The following RUFY3 variants were observed in gnomAD, a reference collection of about 807,000 sequenced individuals.
RUFY3 encodes the protein protein RUFY3.
Under a neutral mutation model 84.0 loss-of-function variants are expected in RUFY3, and 34 were observed. That is an observed-to-expected ratio of 0.40 (90% CI 0.31 to 0.54). The LOEUF (loss-of-function observed/expected upper bound fraction) is 0.54, where lower values mean the gene tolerates loss of function less well. Among genes scored for constraint, RUFY3 ranks in the 20% least tolerant of loss-of-function variants. The pLI is 0.39. For synonymous variants in RUFY3, 242 were observed against 252.9 expected (o/e 0.96, Z 0.41); for missense variants, 507 against 736.8 (o/e 0.69, Z 3.61).
intron 1 of RUFY3, among the ~76,000 whole-genome samples, chr4:70,748,870 C>T (rs538720286): frequency 6.6e-6 from 1 of 152,108 alleles, no homozygotes; most frequent in East Asian, 1.9e-4. Flanking sequence ...GCCGTATAGT[C>T]TTGACATAAC....
rs1560513021 is a variant in RUFY3, at chr4:70,763,676, C to G, written c.470+7C>G. 2 of 1,604,884 alleles carry G rather than the reference C, an allele frequency of 1.2e-6. No homozygotes were observed. The highest frequency in any genetic ancestry group is 1.7e-6 in the Non-Finnish European group (2 of 1,177,006). On this transcript the variant is annotated splice_region_variant and intron_variant, in intron 3 of 17. Transcript: ENST00000381006. Reference sequence around the variant, plus strand: ...AAGATCTTCCAGGACTTAAGTAAGTCTAAGGTTGAATTCCATTTCTCAGGA... The same window carrying G: ...AAGATCTTCCAGGACTTAAGTAAGTGTAAGGTTGAATTCCATTTCTCAGGA...
At chr4:70,777,291 A>T (rs954563519) in intron 7 of RUFY3, among the ~76,000 whole-genome samples, 2 of 152,176 alleles carry the variant, frequency 1.3e-5, no homozygotes, top group African/African-American at 4.8e-5. Context: ...CCAGAACATA[A>T]AACAGTTTCC....
intron 12 of RUFY3, chr4:70,791,676 T>C (rs1032686530): frequency 9.8e-7 from 1 of 1,025,404 alleles, no homozygotes; most frequent in Non-Finnish European, 1.2e-6. Context: ...CGGTGCATTG[T>C]TCATGTCTGT....
chr4:70,785,796 A>G (rs1729695444), intron 10 of RUFY3, among the ~76,000 whole-genome samples: 1 of 152,180 alleles, frequency 6.6e-6, no homozygotes, highest in Non-Finnish European at 1.5e-5. Context: ...AGATTGTATC[A>G]CTGCACTCCA....
chr4:70,755,556 A>G (rs1389260442), intron 1 of RUFY3, among the ~76,000 whole-genome samples: 3 of 152,304 alleles, frequency 2.0e-5, no homozygotes, highest in Admixed American at 1.3e-4. Context: ...TATCATCACT[A>G]TTAACTAAAT....
At chr4:70,792,733 T>C in intron 12 of RUFY3, 1 of 985,398 alleles carries the variant, frequency 1.0e-6, no homozygotes, top group East Asian at 1.1e-4. Context: ...GTAAGATAGA[T>C]TCCATGTGTG....
At chr4:70,781,868 C>T (rs1486759468) in intron 8 of RUFY3, among the ~76,000 whole-genome samples, 1 of 152,206 alleles carries the variant, frequency 6.6e-6, no homozygotes, top group Non-Finnish European at 1.5e-5. Context: ...ATACAGGCAC[C>T]TTCACATTCT....
intron 1 of RUFY3, 84 bp from the exon 2 acceptor site, chr4:70,762,435 G>T: frequency 1.6e-6 from 2 of 1,254,834 alleles, no homozygotes; most frequent in South Asian, 1.5e-5. Context: ...TGAGTACATG[G>T]TGGAGAAGAA....
chr4:70,749,647 C>T (rs1578073615), intron 1 of RUFY3, among the ~76,000 whole-genome samples: 1 of 146,086 alleles, frequency 6.8e-6, no homozygotes, highest in African/African-American at 2.5e-5. Flanking sequence ...TTACTTTTTT[C>T]TTGTCTTGTC....
At chr4:70,706,011 C>T (rs1030817586) in intron 1 of RUFY3, among the ~76,000 whole-genome samples, 1 of 152,184 alleles carries the variant, frequency 6.6e-6, no homozygotes, top group African/African-American at 2.4e-5. Flanking sequence ...GCCACTGGCA[C>T]ACGCGAGCGC....
intron 12 of RUFY3, chr4:70,793,237 T>C (rs891622029): frequency 8.1e-6 from 8 of 986,272 alleles, no homozygotes; most frequent in African/African-American, 3.5e-5. Context: ...CTTTTCCTTA[T>C]AGAATAACCC....
chr4:70,762,283 C>G lies in RUFY3; in HGVS notation c.179-236C>G, dbSNP rs185160854. Among the ~76,000 whole-genome samples, 610 of 152,206 alleles carry G rather than the reference C, an allele frequency of 4.0e-3. 3 individuals carry two copies. The highest frequency in any genetic ancestry group is 5.4e-3 in the Non-Finnish European group (370 of 68,004). On this transcript the variant is annotated intron_variant, in intron 1 of 17. Coordinates refer to ENST00000381006, the MANE Select transcript of RUFY3 (RefSeq NM_001037442.4). ...TGAGCTATGATCATGCCACTGCATT[C>G]CAGTTTGGGCAACAGAGCAAGACCC... is the stretch of plus-strand genomic sequence containing the variant.
intron 1 of RUFY3, among the ~76,000 whole-genome samples, chr4:70,710,950 A>G (rs1402674625): frequency 1.3e-5 from 2 of 151,422 alleles, no homozygotes; most frequent in East Asian, 2.0e-4. Context: ...CTGTAATCCC[A>G]GCTACTGGGG....
chr4:70,791,168 CTG>C, intron 12 of RUFY3: 1 of 1,423,330 alleles, frequency 7.0e-7, no homozygotes, highest in Non-Finnish European at 9.9e-7. Context: ...TTTGTGTTTC[CTG>C]TTTATCCATT....
intron 1 of RUFY3, among the ~76,000 whole-genome samples, chr4:70,754,916 T>G (rs1723743454): frequency 6.6e-6 from 1 of 152,016 alleles, no homozygotes; most frequent in African/African-American, 2.4e-5. Flanking sequence ...TTTTCTTTTT[T>G]TCTTGAGACG....
chr4:70,796,140 A>G (rs532159018), intron 14 of RUFY3, among the ~76,000 whole-genome samples: 19 of 152,140 alleles, frequency 1.2e-4, no homozygotes, highest in Non-Finnish European at 2.2e-4. Flanking sequence ...TAGAGGTTGC[A>G]GTGAGCCAAG....
rs1243035358 is a variant in RUFY3 at position 70,763,532 on chromosome 4, C to G, written c.353-20C>G. ...TGTTGTAAAGAATATTAAAATACTGCTTTATTTTTGTTGCCTTAGCTAAAA... is the reference window on the plus strand; with the variant it reads ...TGTTGTAAAGAATATTAAAATACTGGTTTATTTTTGTTGCCTTAGCTAAAA... On this transcript the variant is annotated intron_variant, in intron 2 of 17. Transcript: ENST00000381006. 1 of 1,591,598 alleles carries G rather than the reference C, an allele frequency of 6.3e-7. No homozygotes were observed. Among genetic ancestry groups the G allele is most frequent in the Non-Finnish European group, 8.6e-7 (1 of 1,165,524 alleles).
chr4:70,774,151 C>T (rs1352836170), intron 6 of RUFY3, among the ~76,000 whole-genome samples: 2 of 152,090 alleles, frequency 1.3e-5, no homozygotes, highest in African/African-American at 4.8e-5. Context: ...TAATTTTTGA[C>T]ATTGAGCTAA....
intron 1 of RUFY3, among the ~76,000 whole-genome samples, chr4:70,741,350 CT>C (rs1160119432): frequency 6.6e-6 from 1 of 152,050 alleles, no homozygotes; most frequent in Non-Finnish European, 1.5e-5. Flanking sequence ...ATCTGTGTTG[CT>C]TTTTAATAGG....
Sources: allele counts gnomAD v4.1 joint callset (sites outside exome capture counted in the v4.1 genomes callset), GRCh38; gene constraint gnomAD v4.1.1; transcripts MANE v1.5; gene names NCBI Gene and HGNC (gene_info 2026-07-23, HGNC 2026-07-21).